The following SCARB1 variants were observed in gnomAD, a reference collection of about 807,000 sequenced individuals.
SCARB1 encodes the protein scavenger receptor class B member 1, also known as CD36 and LIMPII analogous 1.
In SCARB1, 30 loss-of-function variants were observed where a neutral mutation model predicts 57.2. The observed-to-expected ratio is 0.52, with a 90% CI of 0.39 to 0.71. SCARB1 has a LOEUF of 0.71. Ranked by LOEUF, SCARB1 falls within the 30% of genes least tolerant of loss-of-function variation. The pLI is 0.00. For missense variants in SCARB1, 543 were observed against 671.2 expected, an observed-to-expected ratio of 0.81 and a Z score of 2.11; for synonymous variants, 249 against 268.3, an observed-to-expected ratio of 0.93 and a Z score of 0.70.
At chr12:124,787,125 A>G (rs1949553736) in intron 10 of SCARB1, among the ~76,000 whole-genome samples, 1 of 152,260 alleles carries the variant, frequency 6.6e-6, no homozygotes, top group Non-Finnish European at 1.5e-5. Context: ...AGAAGAGGTC[A>G]TATGCCCCAA....
At chr12:124,793,423 G>C (rs985198177) in intron 9 of SCARB1, among the ~76,000 whole-genome samples, 1 of 174 alleles carries the variant, frequency 5.7e-3, no homozygotes, top group Non-Finnish European at 0.017. Flanking sequence ...GGCCGGGCGC[G>C]GTGCTCACGC....
chr12:124,841,019 A>C (rs2135786577), intron 1 of SCARB1, among the ~76,000 whole-genome samples: 1 of 152,048 alleles, frequency 6.6e-6, no homozygotes, highest in East Asian at 1.9e-4. Context: ...AAATACAAAA[A>C]TTAGCCGAGT....
chr12:124,848,919 G>A (rs373392147), intron 1 of SCARB1, among the ~76,000 whole-genome samples: 7 of 152,350 alleles, frequency 4.6e-5, no homozygotes, highest in African/African-American at 1.7e-4. Flanking sequence ...CTCTATGTCT[G>A]TGTCTATCCG....
intron 1 of SCARB1, among the ~76,000 whole-genome samples, chr12:124,824,763 A>C (rs1196949942): frequency 6.6e-6 from 1 of 152,212 alleles, no homozygotes; most frequent in East Asian, 1.9e-4. Flanking sequence ...CTGTTCAGAC[A>C]TGGTGCAGAG....
In SCARB1 at chr12:124,778,247, T is replaced by C; in HGVS notation, c.*340A>G. 1 of 406,100 alleles carries C rather than the reference T, an allele frequency of 2.5e-6. No individual in the cohort carries two copies. Among genetic ancestry groups the C allele is most frequent in the Non-Finnish European group, 4.2e-6 (1 of 235,662 alleles). The allele number at this position is 406,100 out of a possible 1,614,324, so 25.2% of individuals were successfully genotyped here. ...AACGGCTGAACGGGACAGGCCAGGCTCACCCGAGGAAGGGGACGCAGGACC... is the reference window on the plus strand; with the variant it reads ...AACGGCTGAACGGGACAGGCCAGGCCCACCCGAGGAAGGGGACGCAGGACC... On this transcript the variant is annotated 3_prime_UTR_variant, in exon 13 of 13. Coordinates refer to ENST00000261693, the MANE Select transcript of SCARB1 (RefSeq NM_005505.5).
At chr12:124,832,664 T>C (rs1951454656) in intron 1 of SCARB1, among the ~76,000 whole-genome samples, 1 of 152,260 alleles carries the variant, frequency 6.6e-6, no homozygotes, top group Admixed American at 6.5e-5. Context: ...CCCATATTTA[T>C]ACTTTTTCCA....
At chr12:124,829,542 A>G (rs570804970) in intron 1 of SCARB1, among the ~76,000 whole-genome samples, 1 of 134,882 alleles carries the variant, frequency 7.4e-6, no homozygotes, top group South Asian at 2.4e-4. Flanking sequence ...CCCCATTCCT[A>G]TCTGCCTCGC....
chr12:124,863,735 G>T lies in SCARB1; in HGVS notation c.-15C>A. On this transcript the variant is annotated 5_prime_UTR_variant, in exon 1 of 13. Transcript: ENST00000261693. ...GAGCAGCCCATGTCTGCGCGCCTGG[G>T]GCCCACCCGCGGCTCGCAGGGCTCC... 1 of 1,452,938 alleles carries T rather than the reference G, an allele frequency of 6.9e-7. No individual in the cohort carries two copies. The allele number at this position is 1,452,938 out of a possible 1,614,324, so 90.0% of individuals were successfully genotyped here.
In SCARB1 at chr12:124,777,345, T is replaced by C. The variant is rs769881398; in HGVS notation, c.*1242A>G. On this transcript the variant is annotated 3_prime_UTR_variant, in exon 13 of 13. Transcript: ENST00000261693. The stretch of plus-strand genomic sequence containing the variant: ...ACAGAAACACATCCAGGGGGCCCCA[T>C]GCAAAAGTGGCAAAAGCGTCTGCAC... 1.1e-4 allele frequency: 17 copies of C among 152,276 alleles called. No individual in the cohort carries two copies. Among genetic ancestry groups the C allele is most frequent in the South Asian group, 2.1e-4 (1 of 4,822 alleles). 9.4% of individuals were successfully genotyped at this position (152,276 alleles called of 1,614,324 possible).
intron 1 of SCARB1, among the ~76,000 whole-genome samples, chr12:124,855,026 C>G (rs1243507009): frequency 6.6e-6 from 1 of 152,042 alleles, no homozygotes; most frequent in Non-Finnish European, 1.5e-5. Flanking sequence ...GCTCCACCAG[C>G]AGGAGGCAGG....
At chr12:124,787,481 G>A (rs1223142026) in intron 9 of SCARB1, 24 bp from the exon 10 acceptor site, 2 of 1,608,186 alleles carry the variant, frequency 1.2e-6, no homozygotes, top group Non-Finnish European at 8.5e-7. Flanking sequence ...AGACATAGCT[G>A]TGTGAAACAA....
intron 12 of SCARB1, 115 bp downstream of exon 12, chr12:124,782,568 C>G: frequency 9.7e-7 from 1 of 1,028,978 alleles, no homozygotes; most frequent in South Asian, 1.5e-5. Flanking sequence ...TCTGTAGACA[C>G]TCCAGGTGAA....
At chr12:124,782,072 A>T (rs944504264) in intron 12 of SCARB1, among the ~76,000 whole-genome samples, 14 of 151,628 alleles carry the variant, frequency 9.2e-5, no homozygotes, top group African/African-American at 1.2e-4. Flanking sequence ...CACCCAGCTA[A>T]TTTTTTTTGT....
intron 1 of SCARB1, among the ~76,000 whole-genome samples, chr12:124,852,617 C>T (rs1045904951): frequency 1.3e-5 from 2 of 152,256 alleles, no homozygotes; most frequent in African/African-American, 4.8e-5. Context: ...GGACAAGGGT[C>T]TCCAACTATG....
chr12:124,833,795 AGCTCCACGCCCAGGAT>A (rs1278210399), intron 1 of SCARB1, among the ~76,000 whole-genome samples: 5 of 152,234 alleles, frequency 3.3e-5, no homozygotes, highest in Non-Finnish European at 2.9e-5. Flanking sequence ...TTTAATGGGA[AGCTCCACGCCCAGGAT>A]GCTCACACGT....
chr12:124,813,780 G>A (rs1428881737), intron 4 of SCARB1, among the ~76,000 whole-genome samples: 2 of 152,110 alleles, frequency 1.3e-5, no homozygotes, highest in East Asian at 1.9e-4. Context: ...TGAAACCTGC[G>A]GTGAGGGAGC....
At chr12:124,844,495 C>A (rs1047907151) in intron 1 of SCARB1, among the ~76,000 whole-genome samples, 2 of 152,206 alleles carry the variant, frequency 1.3e-5, no homozygotes, top group African/African-American at 4.8e-5. Flanking sequence ...GCAGCCCTAA[C>A]CCTCGGTGCA....
intron 1 of SCARB1, among the ~76,000 whole-genome samples, chr12:124,850,662 C>T (rs1462181693): frequency 2.6e-5 from 4 of 152,212 alleles, no homozygotes; most frequent in Non-Finnish European, 5.9e-5. Flanking sequence ...AAGAGAGAAA[C>T]TCCGTCTCAA....
chr12:124,855,134 G>C (rs1479362938), intron 1 of SCARB1, among the ~76,000 whole-genome samples: 3 of 152,160 alleles, frequency 2.0e-5, no homozygotes, highest in East Asian at 1.9e-4. Flanking sequence ...GCGCCTCAAG[G>C]GTCCTTCTAG....
Sources: gnomAD v4.1 joint callset for allele counts (sites outside exome capture counted in the v4.1 genomes callset) on GRCh38, gnomAD v4.1.1 for gene constraint, MANE v1.5 for transcripts, NCBI Gene and HGNC (gene_info 2026-07-23, HGNC 2026-07-21) for gene names.